ITGA1: variants seen among roughly 807,000 people sequenced by gnomAD.
The protein encoded by ITGA1 is integrin alpha-1.
Under a neutral mutation model 145.9 loss-of-function variants are expected in ITGA1, and 85 were observed. That is an observed-to-expected ratio of 0.58 (90% CI 0.49 to 0.70). ITGA1 has a LOEUF of 0.70. Among genes scored for constraint, ITGA1 ranks in the 30% least tolerant of loss-of-function variants. The pLI is 0.00. For missense variants in ITGA1, 1,351 were observed against 1,418.7 expected (o/e 0.95, Z 0.77); for synonymous variants, 520 against 495.3 (o/e 1.05, Z -0.66).
chr5:52,788,804 A>G (rs1471629748), intron 1 of ITGA1, among the ~76,000 whole-genome samples: 1 of 152,138 alleles, frequency 6.6e-6, no homozygotes, highest in Non-Finnish European at 1.5e-5. Flanking sequence ...CGCCTGATAC[A>G]TATGCAAAAT....
chr5:52,949,733 T>A lies in ITGA1; in HGVS notation c.3495+2272T>A, dbSNP rs181345342. ...AGGGTCCCTGGTTGGATTCAGACTT[T>A]CGGTAGTTCCATTATATCAAGAAGG... On this transcript the variant is annotated intron_variant, in intron 28 of 28. Coordinates refer to ENST00000282588, the MANE Select transcript of ITGA1 (RefSeq NM_181501.2). Among the ~76,000 whole-genome samples, 175 of 152,292 alleles carry A rather than the reference T, an allele frequency of 1.1e-3. 2 individuals carry two copies. In the South Asian group the frequency reaches 0.026, roughly 23 times the overall value.
chr5:52,830,081 A>T (rs535314916), intron 1 of ITGA1, among the ~76,000 whole-genome samples: 16 of 152,278 alleles, frequency 1.1e-4, no homozygotes, highest in African/African-American at 3.8e-4. Flanking sequence ...CAATAGATTA[A>T]AAGTTATTTG....
chr5:52,950,480 C>G (rs891755157), intron 28 of ITGA1, among the ~76,000 whole-genome samples: 1 of 152,040 alleles, frequency 6.6e-6, no homozygotes, highest in Admixed American at 6.6e-5. Context: ...GAGCCTTTGC[C>G]ATAGGGTTTT....
chr5:52,921,486 T>C (rs1750729194), intron 17 of ITGA1, among the ~76,000 whole-genome samples: 1 of 152,128 alleles, frequency 6.6e-6, no homozygotes, highest in Non-Finnish European at 1.5e-5. Flanking sequence ...ATCTATTATT[T>C]GGTAAAATAA....
intron 11 of ITGA1, among the ~76,000 whole-genome samples, chr5:52,900,493 A>C (rs1037510479): frequency 2.0e-5 from 3 of 152,194 alleles, no homozygotes; most frequent in Non-Finnish European, 4.4e-5. Flanking sequence ...ATTATTATTT[A>C]TGTTATTGGG....
chr5:52,950,804 G>T lies in ITGA1; in HGVS notation c.3496-1603G>T, dbSNP rs904809067. ...GCTGTGAGAGATCAGAAGCAAAGCA[G>T]AGTGGGAAGGAGAAAAAGTCTTAGA... On this transcript the variant is annotated intron_variant, in intron 28 of 28. Transcript: ENST00000282588. Among the ~76,000 whole-genome samples the T allele has an allele frequency of 5.3e-5, 8 of 152,180 alleles. 1 individual carries two copies. The highest frequency in any genetic ancestry group is 1.9e-4 in the African/African-American group (8 of 41,446).
At chr5:52,882,523 CA>C (rs1272785744) in intron 7 of ITGA1, among the ~76,000 whole-genome samples, 1 of 151,768 alleles carries the variant, frequency 6.6e-6, no homozygotes, top group Non-Finnish European at 1.5e-5. Context: ...ATTTTTAGTG[CA>C]AAGTTTGAAA....
At chr5:52,890,526 G>T (rs895377778) in intron 8 of ITGA1, among the ~76,000 whole-genome samples, 6 of 152,126 alleles carry the variant, frequency 3.9e-5, no homozygotes, top group Admixed American at 3.9e-4. Flanking sequence ...ACTTAATCAA[G>T]ATATAGAGCA....
At position 52,957,803 on chromosome 5, in the gene ITGA1, G is replaced by A. The variant is rs891775977; in HGVS notation, c.*5352G>A. 1 of 152,058 alleles carries A rather than the reference G, an allele frequency of 6.6e-6. No individual in the cohort carries two copies. The highest frequency in any genetic ancestry group is 2.4e-5 in the African/African-American group (1 of 41,394). The allele number at this position is 152,058 out of a possible 1,614,324, so 9.4% of individuals were successfully genotyped here. A position where few individuals can be genotyped will look rare whatever the true frequency, so the allele number is the denominator to read the frequency against. On this transcript the variant is annotated 3_prime_UTR_variant, in exon 29 of 29. Transcript: ENST00000282588. ...AGGGAAATCTTGGCAATCAACTAAG[G>A]ACCTGTGACACTCATAACTATGTTT...
At chr5:52,790,066 C>A (rs944682106) in intron 1 of ITGA1, among the ~76,000 whole-genome samples, 1 of 152,172 alleles carries the variant, frequency 6.6e-6, no homozygotes, top group South Asian at 2.1e-4. Context: ...TCTGTAGGCT[C>A]TTCTTTAGCA....
chr5:52,829,787 C>T (rs1377709923), intron 1 of ITGA1, among the ~76,000 whole-genome samples: 2 of 152,090 alleles, frequency 1.3e-5, no homozygotes, highest in African/African-American at 2.4e-5. Flanking sequence ...CACTGTTACC[C>T]ATGGCACATT....
At chr5:52,876,158 C>T (rs1045424775) in intron 6 of ITGA1, among the ~76,000 whole-genome samples, 2 of 152,150 alleles carry the variant, frequency 1.3e-5, no homozygotes, top group Non-Finnish European at 2.9e-5. Flanking sequence ...TTTTAACTTG[C>T]TATTTAATTC....
intron 1 of ITGA1, among the ~76,000 whole-genome samples, chr5:52,843,683 G>A (rs918126781): frequency 3.9e-5 from 6 of 152,130 alleles, no homozygotes; most frequent in East Asian, 3.9e-4. Flanking sequence ...AGACTTTTGA[G>A]GATTGTTGTG....
At position 52,809,556 on chromosome 5, in the gene ITGA1, A is replaced by G. The variant is rs1748652484; in HGVS notation, c.61+21142A>G. 2.2e-5 allele frequency among the ~76,000 whole-genome samples: 3 copies of G among 138,816 alleles called. No homozygotes were observed. The South Asian group carries it at 6.7e-4, about 31-fold the overall frequency. The allele number at this position is 138,816 out of a possible 152,430, so 91.1% of individuals were successfully genotyped here. ...AGTCTTGCTCTATACCCCAGGCTGG[A>G]GTGCAGTGGCCTGATCTTGGCTCAC... On this transcript the variant is annotated intron_variant, in intron 1 of 28. Coordinates refer to ENST00000282588, the MANE Select transcript of ITGA1 (RefSeq NM_181501.2).
intron 1 of ITGA1, among the ~76,000 whole-genome samples, chr5:52,838,048 T>C (rs1423972120): frequency 2.0e-5 from 3 of 152,232 alleles, no homozygotes. Context: ...CGTTTTCAGG[T>C]GAATAACAAG....
chr5:52,853,440 C>T (rs891434662), intron 2 of ITGA1, among the ~76,000 whole-genome samples: 2 of 152,042 alleles, frequency 1.3e-5, no homozygotes, highest in African/African-American at 4.8e-5. Flanking sequence ...AGGTAGGCAC[C>T]TTCATAAGTC....
In ITGA1 at chr5:52,918,549, A is replaced by T. The variant is rs574095287; in HGVS notation, c.1989-183A>T. On this transcript the variant is annotated intron_variant, in intron 15 of 28. Transcript: ENST00000282588. ...CCCAAATGGTTTCCAAATATAACCT[A>T]CATGTCTTAGAACATCAGATATAAT... Among the ~76,000 whole-genome samples the T allele has an allele frequency of 9.8e-4, 150 of 152,308 alleles. No homozygotes were observed. The highest frequency in any genetic ancestry group is 2.9e-3 in the Admixed American group (45 of 15,292).
Position 52,898,342 on chromosome 5 carries a change from T to G in ITGA1, c.1268T>G (p.Val423Gly). 1 of 1,610,814 alleles carries G rather than the reference T, an allele frequency of 6.2e-7. No homozygotes were observed. The highest frequency in any genetic ancestry group is 1.1e-5 in the South Asian group (1 of 90,648). Reference sequence around the variant, plus strand: ...ATCCCTCGAAACACAACCTTTAATGTTGAGTCTACCAAAAAGAATGAACCG... The same window carrying G: ...ATCCCTCGAAACACAACCTTTAATGGTGAGTCTACCAAAAAGAATGAACCG... ...IIIPRNTTFN[V>G]ESTKKNEPLA... The change falls in exon 11 of 29, where the codon GTT (valine) becomes GGT (glycine). Residue 423 changes from valine to glycine, a missense_variant. Val to Gly is a moderately radical substitution (Grantham distance 109, BLOSUM62 -3). Coordinates refer to ENST00000282588, the MANE Select transcript of ITGA1 (RefSeq NM_181501.2).
rs112679010 is a variant in ITGA1 at position 52,885,137 on chromosome 5, C to T, written c.774-2678C>T. Among the ~76,000 whole-genome samples the T allele has an allele frequency of 5.5e-3, 836 of 152,192 alleles. 8 individuals are homozygous for T. The highest frequency in any genetic ancestry group is 0.019 in the African/African-American group (807 of 41,524). ...CTATGAGGGAAAGGTGTCAGAGCTG[C>T]CATTCCCTCTCATGGTGTACCTCCT... On this transcript the variant is annotated intron_variant, in intron 7 of 28. Transcript: ENST00000282588.
Sources: allele counts gnomAD v4.1 joint callset (sites outside exome capture counted in the v4.1 genomes callset), GRCh38; gene constraint gnomAD v4.1.1; transcripts MANE v1.5; gene names NCBI Gene and HGNC (gene_info 2026-07-23, HGNC 2026-07-21).